Variants in CYB5R4 observed in about 807,000 individuals in gnomAD.
CYB5R4 encodes the protein cytochrome b5 reductase 4, also known as N-terminal cytochrome b5 and cytochrome b5 oxidoreductase domain-containing protein.
CYB5R4 carries 55 observed loss-of-function variants against 70.2 expected under a neutral mutation model. That is an observed-to-expected ratio of 0.78 (90% CI 0.63 to 0.98). The LOEUF (loss-of-function observed/expected upper bound fraction) is 0.98. Ranked by LOEUF, CYB5R4 falls within the 50% of genes least tolerant of loss-of-function variation. The pLI, the probability that CYB5R4 is intolerant of heterozygous loss-of-function variation, is 0.00. For synonymous variants in CYB5R4, 197 were observed against 199.5 expected (o/e 0.99, Z 0.11); for missense variants, 562 against 612.6 (o/e 0.92, Z 0.87).
rs1562848291 is a variant in CYB5R4 at position 83,955,429 on chromosome 6, G to A, written c.1478G>A (p.Cys493Tyr). 1 of 1,613,882 alleles carries A rather than the reference G, an allele frequency of 6.2e-7. No homozygotes were observed. ...AAATCCAAAGTTCTCGTCTGCATTT[G>A]TGGACCAGTGCCATTTACAGAACAA... ...LDKSKVLVCICGPVPFTEQGV... is the reference protein window; with the variant it reads ...LDKSKVLVCIYGPVPFTEQGV... Residue 493 changes from cysteine to tyrosine, a missense_variant, in exon 15 of 16, where the codon TGT becomes TAT. By Grantham distance (194) the Cys-to-Tyr change is radical. Transcript: ENST00000369681.
intron 14 of CYB5R4, among the ~76,000 whole-genome samples, chr6:83,952,609 A>T (rs1249658652): frequency 6.6e-6 from 1 of 152,176 alleles, no homozygotes; most frequent in Non-Finnish European, 1.5e-5. Context: ...AAGGAGAATG[A>T]TGCAGAATAA....
chr6:83,937,310 G>T (rs2099469073), intron 12 of CYB5R4, among the ~76,000 whole-genome samples: 1 of 151,750 alleles, frequency 6.6e-6, no homozygotes, highest in Non-Finnish European at 1.5e-5. Flanking sequence ...TAAATAAAAA[G>T]ACCCAAACAG....
chr6:83,913,243 C>A, intron 4 of CYB5R4, among the ~76,000 whole-genome samples: 1 of 152,122 alleles, frequency 6.6e-6, no homozygotes, highest in East Asian at 1.9e-4. Flanking sequence ...ACTGTAATGG[C>A]CAGATTTGTA....
intron 5 of CYB5R4, among the ~76,000 whole-genome samples, chr6:83,915,905 A>G (rs1180138203): frequency 6.6e-6 from 1 of 152,180 alleles, no homozygotes; most frequent in African/African-American, 2.4e-5. Context: ...AATTGACGAC[A>G]TTCAATCAAC....
chr6:83,952,309 T>C (rs978794339), intron 14 of CYB5R4, among the ~76,000 whole-genome samples: 1 of 152,084 alleles, frequency 6.6e-6, no homozygotes, highest in Non-Finnish European at 1.5e-5. Flanking sequence ...ACCCTAGTGG[T>C]GGTGAAGTTC....
intron 2 of CYB5R4, among the ~76,000 whole-genome samples, chr6:83,869,850 A>T (rs1400526446): frequency 6.6e-6 from 1 of 151,444 alleles, no homozygotes; most frequent in Non-Finnish European, 1.5e-5. Context: ...TCTGTTTTTG[A>T]GGTCTGTTTA....
intron 14 of CYB5R4, among the ~76,000 whole-genome samples, chr6:83,946,321 A>G (rs1218722488): frequency 6.6e-6 from 1 of 152,188 alleles, no homozygotes; most frequent in Non-Finnish European, 1.5e-5. Context: ...GATGACAAAA[A>G]CCACGTGATG....
Position 83,891,201 on chromosome 6 carries a change from C to T in CYB5R4, c.230-2321C>T, listed in dbSNP as rs1588565961. Among the ~76,000 whole-genome samples the T allele has an allele frequency of 3.3e-5, 5 of 152,168 alleles. 1 individual carries two copies. The Middle Eastern group carries it at 0.014, about 414-fold the overall frequency. On this transcript the variant is annotated intron_variant, in intron 2 of 15. Transcript: ENST00000369681. The stretch of plus-strand genomic sequence containing the variant: ...GCATGAAGCAATCCTCCTGCCTCGG[C>T]CTCCCAAGCTACTGGGATTACAGGC...
chr6:83,938,860 T>C (rs983921959), intron 12 of CYB5R4, among the ~76,000 whole-genome samples: 1 of 151,908 alleles, frequency 6.6e-6, no homozygotes, highest in African/African-American at 2.4e-5. Context: ...AGATGGAGTT[T>C]TGCTCTTGTT....
At position 83,961,171 on chromosome 6, in the gene CYB5R4, C is replaced by T. The variant is rs1282656147; in HGVS notation, c.*1293C>T. ...TCCTATGTGCAAATGGCTGGTTGAA[C>T]ACTATCACTTTTTCCTGTGCCTCTG... is the stretch of plus-strand genomic sequence containing the variant. On this transcript the variant is annotated 3_prime_UTR_variant, in exon 16 of 16. Coordinates refer to ENST00000369681, the MANE Select transcript of CYB5R4 (RefSeq NM_016230.4). 6.6e-6 allele frequency: 1 copy of T among 152,194 alleles called. No individual in the cohort carries two copies. Among genetic ancestry groups the T allele is most frequent in the Non-Finnish European group, 1.5e-5 (1 of 68,060 alleles). The allele number at this position is 152,194 out of a possible 1,614,324, so 9.4% of individuals were successfully genotyped here. A position where few individuals can be genotyped will look rare whatever the true frequency, so the allele number is the denominator to read the frequency against.
At chr6:83,954,862 GCCA>G (rs1220571832) in intron 14 of CYB5R4, among the ~76,000 whole-genome samples, 1 of 151,404 alleles carries the variant, frequency 6.6e-6, no homozygotes, top group Non-Finnish European at 1.5e-5. Context: ...ACAGGCACAT[GCCA>G]CCACACCTGG....
chr6:83,874,026 C>T (rs1415556498), intron 2 of CYB5R4, among the ~76,000 whole-genome samples: 1 of 151,960 alleles, frequency 6.6e-6, no homozygotes, highest in East Asian at 1.9e-4. Context: ...ATATAAGGAA[C>T]TTGAAGTGGT....
chr6:83,903,937 TGGTTATTCTAGCTA>T (rs1042905825), intron 3 of CYB5R4, among the ~76,000 whole-genome samples: 4 of 152,108 alleles, frequency 2.6e-5, no homozygotes, highest in African/African-American at 9.6e-5. Context: ...TCCCTTTTTT[TGGTTATTCTAGCTA>T]GTGGCTTATC....
chr6:83,872,134 G>A (rs1013231788), intron 2 of CYB5R4, among the ~76,000 whole-genome samples: 18 of 152,078 alleles, frequency 1.2e-4, no homozygotes, highest in African/African-American at 4.3e-4. Context: ...TGAATTACTT[G>A]ATAGTGGCAA....
At chr6:83,938,111 T>A (rs183353176) in intron 12 of CYB5R4, among the ~76,000 whole-genome samples, 7 of 152,326 alleles carry the variant, frequency 4.6e-5, no homozygotes, top group South Asian at 4.1e-4. Flanking sequence ...ATATGATTAG[T>A]CATCCTTGGT....
intron 10 of CYB5R4, among the ~76,000 whole-genome samples, chr6:83,924,909 C>T (rs1022207948): frequency 1.3e-5 from 2 of 152,094 alleles, no homozygotes; most frequent in African/African-American, 4.8e-5. Context: ...GATACAAAAA[C>T]AAGTTTAAGT....
chr6:83,885,881 T>A (rs1238828713), intron 2 of CYB5R4, among the ~76,000 whole-genome samples: 1 of 152,102 alleles, frequency 6.6e-6, no homozygotes, highest in African/African-American at 2.4e-5. Context: ...AATTTACTTT[T>A]AGTTGTATAT....
At chr6:83,920,629 T>G (rs913177171) in intron 7 of CYB5R4, among the ~76,000 whole-genome samples, 1 of 151,608 alleles carries the variant, frequency 6.6e-6, no homozygotes, top group African/African-American at 2.4e-5. Flanking sequence ...ATTGATTTTT[T>G]TTATAAGCTA....
chr6:83,933,629 A>G (rs1157443366), intron 10 of CYB5R4, among the ~76,000 whole-genome samples: 1 of 152,206 alleles, frequency 6.6e-6, no homozygotes, highest in Admixed American at 6.5e-5. Context: ...TCTTCACGTT[A>G]TTCTGATATG....
Sources: allele counts gnomAD v4.1 joint callset (sites outside exome capture counted in the v4.1 genomes callset), GRCh38; gene constraint gnomAD v4.1.1; transcripts MANE v1.5; gene names NCBI Gene and HGNC (gene_info 2026-07-23, HGNC 2026-07-21).